The following STAB2 variants were observed in gnomAD, a reference collection of about 807,000 sequenced individuals.
STAB2 encodes stabilin-2.
STAB2 carries 288 observed loss-of-function variants against 338.1 expected under a neutral mutation model. The observed-to-expected ratio is 0.85, with a 90% CI of 0.77 to 0.94. The LOEUF (loss-of-function observed/expected upper bound fraction) is 0.94, where lower values mean the gene tolerates loss of function less well. STAB2 is among the 40% of genes least tolerant of loss of function. The pLI is 0.00. For synonymous variants in STAB2, 1,202 were observed against 1,193.3 expected (o/e 1.01, Z -0.15); for missense variants, 3,141 against 3,210.1 (o/e 0.98, Z 0.52).
chr12:103,670,875 C>A, intron 22 of STAB2, 68 bp downstream of exon 22: 1 of 1,328,280 alleles, frequency 7.5e-7, no homozygotes, highest in Non-Finnish European at 1.1e-6. Context: ...CAGCAGGGTG[C>A]TGGTGCAGGG....
At chr12:103,666,478 C>A in intron 19 of STAB2, 125 bp downstream of exon 19, 1 of 937,002 alleles carries the variant, frequency 1.1e-6, no homozygotes, top group Non-Finnish European at 1.7e-6. Context: ...AAGATGGGCT[C>A]GTAGCCTACT....
In STAB2 at chr12:103,672,043, C is replaced by T. The variant is rs568648465; in HGVS notation, c.2371+1236C>T. Among the ~76,000 whole-genome samples, 4 of 152,296 alleles carry T rather than the reference C, an allele frequency of 2.6e-5. No individual in the cohort carries two copies. The South Asian group carries it at 8.3e-4, about 32-fold the overall frequency. ...TGGTACCTACATTATAGTTTGCTGA[C>T]AGGATTAAATTAGACCATAATTTCG... On this transcript the variant is annotated intron_variant, in intron 22 of 68. Coordinates refer to ENST00000388887, the MANE Select transcript of STAB2 (RefSeq NM_017564.10).
At chr12:103,730,955 T>C (rs1192294575) in intron 49 of STAB2, among the ~76,000 whole-genome samples, 1 of 152,122 alleles carries the variant, frequency 6.6e-6, no homozygotes, top group Non-Finnish European at 1.5e-5. Context: ...GAGGCTGAGG[T>C]GGGAGAATCA....
chr12:103,620,960 G>C (rs999025743), intron 4 of STAB2, among the ~76,000 whole-genome samples: 4 of 152,084 alleles, frequency 2.6e-5, no homozygotes, highest in Non-Finnish European at 5.9e-5. Flanking sequence ...AGCTGGGTGT[G>C]GTGGTGGGCG....
chr12:103,601,542 A>G (rs564664198), intron 3 of STAB2, among the ~76,000 whole-genome samples: 1 of 152,374 alleles, frequency 6.6e-6, no homozygotes, highest in South Asian at 2.1e-4. Flanking sequence ...CAGTGACCCA[A>G]GATCGCGTCA....
At chr12:103,683,927 C>T (rs1328058115) in intron 26 of STAB2, among the ~76,000 whole-genome samples, 1 of 152,066 alleles carries the variant, frequency 6.6e-6, no homozygotes, top group Non-Finnish European at 1.5e-5. Context: ...TAACAGAGTC[C>T]ATGCAGAAGA....
chr12:103,620,364 C>A, intron 3 of STAB2, 104 bp from the exon 4 acceptor site: 3 of 1,078,500 alleles, frequency 2.8e-6, no homozygotes, highest in Non-Finnish European at 4.0e-6. Context: ...GCAATTATTT[C>A]TTATCCCTGG....
At chr12:103,737,521 C>T in intron 52 of STAB2, 113 bp from the exon 53 acceptor site, 2 of 1,172,624 alleles carry the variant, frequency 1.7e-6, no homozygotes, top group South Asian at 1.6e-5. Flanking sequence ...CTTGCAGTTA[C>T]TGGCCATGTT....
intron 25 of STAB2, among the ~76,000 whole-genome samples, chr12:103,682,387 C>G (rs1196347262): frequency 2.0e-5 from 3 of 152,194 alleles, no homozygotes; most frequent in Non-Finnish European, 2.9e-5. Context: ...GACTAGTTGG[C>G]TTGGAAACTT....
chr12:103,761,181 C>T (rs1884507907), intron 65 of STAB2, 119 bp from the exon 66 acceptor site: 3 of 825,570 alleles, frequency 3.6e-6, no homozygotes, highest in Admixed American at 2.1e-5. Context: ...GGCTGCCTAT[C>T]AGTGGAGACA....
At chr12:103,733,326 G>A in intron 51 of STAB2, 144 bp downstream of exon 51, 1 of 983,144 alleles carries the variant, frequency 1.0e-6, no homozygotes, top group South Asian at 1.5e-5. Context: ...CTGCCCCACT[G>A]TGTCCTCCTC....
intron 44 of STAB2, 122 bp downstream of exon 44, chr12:103,717,963 A>AC (rs1880462449): frequency 1.1e-6 from 1 of 927,694 alleles, no homozygotes; most frequent in Admixed American, 2.1e-5. Flanking sequence ...CTGTGTGTTG[A>AC]CCATGAGGCT....
Position 103,706,714 on chromosome 12 carries a change from A to C in STAB2, c.3997-78A>C, listed in dbSNP as rs1053831974. 5.7e-6 allele frequency: 9 copies of C among 1,573,876 alleles called. No individual in the cohort carries two copies. The African/African-American group carries it at 1.1e-4, about 19-fold the overall frequency. On this transcript the variant is annotated intron_variant, in intron 37 of 68. Transcript: ENST00000388887. ...GAAACAGGTGCACAAGAAGTCACCC[A>C]CAGCAGGATTTCTACACCGAGGCTG...
intron 6 of STAB2, among the ~76,000 whole-genome samples, chr12:103,632,517 T>G (rs1957479097): frequency 6.6e-6 from 1 of 151,806 alleles, no homozygotes; most frequent in African/African-American, 2.4e-5. Context: ...CTGAGGCTGG[T>G]GGGTGAGGCA....
intron 27 of STAB2, among the ~76,000 whole-genome samples, chr12:103,685,455 CGCGTGCGTGTGTGTGTGCGT>C (rs1566014275): frequency 7.6e-5 from 10 of 132,062 alleles, no homozygotes; most frequent in East Asian, 4.7e-4. Flanking sequence ...TGTGTGTGTG[CGCGTGCGTGTGTGTGTGCGT>C]GCGCGCATGT....
intron 5 of STAB2, among the ~76,000 whole-genome samples, chr12:103,625,729 G>A (rs1957371340): frequency 6.6e-6 from 1 of 152,190 alleles, no homozygotes; most frequent in South Asian, 2.1e-4. Context: ...TGGTATATAT[G>A]TGCCACATTT....
At chr12:103,616,795 G>A (rs1957217356) in intron 3 of STAB2, among the ~76,000 whole-genome samples, 1 of 151,942 alleles carries the variant, frequency 6.6e-6, no homozygotes, top group South Asian at 2.1e-4. Flanking sequence ...AGCTCAAGAG[G>A]GGCCTCCTAT....
chr12:103,695,204 T>C (rs1012577076), intron 31 of STAB2, among the ~76,000 whole-genome samples: 2 of 152,232 alleles, frequency 1.3e-5, no homozygotes, highest in African/African-American at 2.4e-5. Context: ...CTGCTGTGTT[T>C]CACCTCGATT....
intron 27 of STAB2, 58 bp from the exon 28 acceptor site, chr12:103,688,110 G>T (rs866368797): frequency 6.5e-7 from 1 of 1,542,890 alleles, no homozygotes. Flanking sequence ...ACTTCTCATT[G>T]TTCTTTCTCT....
Sources: gnomAD v4.1 joint callset for allele counts (sites outside exome capture counted in the v4.1 genomes callset) on GRCh38, gnomAD v4.1.1 for gene constraint, MANE v1.5 for transcripts, NCBI Gene and HGNC (gene_info 2026-07-23, HGNC 2026-07-21) for gene names.